FAM120B: variants seen among roughly 807,000 people sequenced by gnomAD.
FAM120B encodes constitutive coactivator of peroxisome proliferator-activated receptor gamma.
FAM120B carries 83 observed loss-of-function variants against 96.3 expected under a neutral mutation model. That is an observed-to-expected ratio of 0.86 (90% confidence interval 0.72 to 1.03). FAM120B has a LOEUF of 1.03. FAM120B is among the 50% of genes least tolerant of loss of function. The probability of loss-of-function intolerance (pLI) is 0.00; values close to 1 mark genes in which losing one functional copy is unlikely to be tolerated. For synonymous variants in FAM120B, 407 were observed against 402.7 expected, an observed-to-expected ratio of 1.01 and a Z score of -0.13; for missense variants, 1,027 against 1,121.2, an observed-to-expected ratio of 0.92 and a Z score of 1.20.
chr6:170,376,507 G>C (rs759992672), intron 6 of FAM120B, among the ~76,000 whole-genome samples: 1 of 152,028 alleles, frequency 6.6e-6, no homozygotes, highest in East Asian at 1.9e-4. Context: ...GCAGCGGGGC[G>C]TTAGAGGAAT....
chr6:170,400,720 T>C (rs1778527472), intron 9 of FAM120B, among the ~76,000 whole-genome samples: 1 of 152,270 alleles, frequency 6.6e-6, no homozygotes, highest in African/African-American at 2.4e-5. Context: ...TATGTCAAAC[T>C]ATTTTGTTAA....
intron 7 of FAM120B, among the ~76,000 whole-genome samples, chr6:170,389,704 C>T (rs927663851): frequency 1.8e-4 from 27 of 151,942 alleles, no homozygotes; most frequent in African/African-American, 6.5e-4. Flanking sequence ...GGACTGCAGG[C>T]GCGCATCACC....
intron 1 of FAM120B, among the ~76,000 whole-genome samples, chr6:170,314,432 C>T (rs1427208728): frequency 6.6e-6 from 1 of 152,160 alleles, no homozygotes; most frequent in Non-Finnish European, 1.5e-5. Context: ...GATGGTGAGC[C>T]CCACCTCAAA....
At chr6:170,386,410 G>A (rs750794386) in intron 6 of FAM120B, among the ~76,000 whole-genome samples, 3 of 152,146 alleles carry the variant, frequency 2.0e-5, no homozygotes, top group Non-Finnish European at 2.9e-5. Flanking sequence ...TGTATACATA[G>A]ATAATGCAGA....
chr6:170,295,216 T>G (rs1783968328), upstream of FAM120B: 1 of 537,632 alleles, frequency 1.9e-6, no homozygotes, highest in Non-Finnish European at 3.3e-6. This position sits in a 1 kb window ranked among gnomAD's most constrained non-coding sequence, Gnocchi z 7.8. Flanking sequence ...CTTAAAGCTG[T>G]CTTTGGACAC....
chr6:170,311,260 A>G (rs1784573379), intron 1 of FAM120B, among the ~76,000 whole-genome samples: 1 of 152,224 alleles, frequency 6.6e-6, no homozygotes, highest in South Asian at 2.1e-4. Flanking sequence ...AAGCGTAGAC[A>G]TTTTAGCATG....
intron 9 of FAM120B, among the ~76,000 whole-genome samples, chr6:170,402,616 G>A (rs565124791): frequency 5.4e-4 from 83 of 152,302 alleles, no homozygotes; most frequent in African/African-American, 1.8e-3. Context: ...GGGCTCTCCC[G>A]GGCTCTGCGG....
intron 2 of FAM120B, among the ~76,000 whole-genome samples, chr6:170,319,458 A>G (rs577599908): frequency 6.6e-6 from 1 of 152,344 alleles, no homozygotes; most frequent in Admixed American, 6.5e-5. Context: ...ACCTGAGGTC[A>G]GGAGTTCAAG....
intron 6 of FAM120B, 48 bp downstream of exon 6, chr6:170,358,366 A>G (rs1788111427): frequency 1.3e-5 from 16 of 1,279,754 alleles, no homozygotes; most frequent in Admixed American, 1.9e-5. Flanking sequence ...ACAGCTGTGC[A>G]GTCCAGCCTT....
At chr6:170,338,844 CTTT>C (rs61188907) in intron 4 of FAM120B, among the ~76,000 whole-genome samples, 4 of 85,414 alleles carry the variant, frequency 4.7e-5, no homozygotes, top group African/African-American at 4.6e-5. Context: ...TTGCAACCTG[CTTT>C]TTTTTTTTTT....
chr6:170,302,744 A>AT (rs754886259), upstream of FAM120B, among the ~76,000 whole-genome samples: 25 of 151,930 alleles, frequency 1.6e-4, no homozygotes, highest in East Asian at 3.9e-4. Context: ...CTATTTATAG[A>AT]TTTTTTCCCA....
intron 4 of FAM120B, among the ~76,000 whole-genome samples, chr6:170,332,493 T>G (rs1786120874): frequency 6.6e-6 from 1 of 151,978 alleles, no homozygotes; most frequent in Non-Finnish European, 1.5e-5. Context: ...AGATCAGGAG[T>G]TTGACACCCG....
At chr6:170,293,397 G>A (rs185806238), upstream of FAM120B, among the ~76,000 whole-genome samples, 110 of 152,232 alleles carry the variant, frequency 7.2e-4, no homozygotes, top group South Asian at 2.1e-3. Context: ...AAAGTTCCAC[G>A]CGCAAGGGCT....
upstream of FAM120B, among the ~76,000 whole-genome samples, chr6:170,291,274 CT>C (rs1783864230): frequency 6.6e-6 from 1 of 152,090 alleles, no homozygotes. Context: ...TCCGCACGCC[CT>C]CCCGGGCCAC....
chr6:170,305,596 A>G (rs2114985305), upstream of FAM120B, among the ~76,000 whole-genome samples: 1 of 152,384 alleles, frequency 6.6e-6, no homozygotes, highest in Admixed American at 6.5e-5. Context: ...CAGGGCTTAT[A>G]GCTGCCTTGC....
intron 4 of FAM120B, among the ~76,000 whole-genome samples, chr6:170,340,976 T>C (rs1786783798): frequency 6.6e-6 from 1 of 152,198 alleles, no homozygotes; most frequent in African/African-American, 2.4e-5. Context: ...AGGGACCCAT[T>C]GAGGAAGCAG....
At chr6:170,311,924 A>G (rs1479818932) in intron 1 of FAM120B, among the ~76,000 whole-genome samples, 1 of 152,224 alleles carries the variant, frequency 6.6e-6, no homozygotes, top group Non-Finnish European at 1.5e-5. Flanking sequence ...CATACTAAGG[A>G]AATGATCAGA....
intron 1 of FAM120B, among the ~76,000 whole-genome samples, chr6:170,310,695 A>C (rs1348268672): frequency 3.3e-5 from 5 of 152,236 alleles, no homozygotes; most frequent in Non-Finnish European, 7.3e-5. Context: ...AATCTGGGCC[A>C]GTGGGACTAG....
rs746704015 is a variant in FAM120B at position 170,317,612 on chromosome 6, T to C, written c.222T>C (p.Phe74=). Reference sequence around the variant, plus strand: ...AATACTTTTCTGCTTTGCGAGATTTTGTTAAAACTTTTACGGCAGCTGGGA... The same window carrying C: ...AATACTTTTCTGCTTTGCGAGATTTCGTTAAAACTTTTACGGCAGCTGGGA... ...WREYFSALRD[F]VKTFTAAGIK... is the part of the protein sequence containing the mutation. Residue 74 remains phenylalanine (F), a synonymous_variant, in exon 2 of 11, where the codon TTT becomes TTC. Transcript: ENST00000476287. 2 of 1,614,220 alleles carry C rather than the reference T, an allele frequency of 1.2e-6. No individual in the cohort carries two copies. The highest frequency in any genetic ancestry group is 1.7e-6 in the Non-Finnish European group (2 of 1,180,044).
Sources: allele counts gnomAD v4.1 joint callset (sites outside exome capture counted in the v4.1 genomes callset), GRCh38; gene constraint gnomAD v4.1.1; non-coding constraint Gnocchi (gnomAD v3.1); transcripts MANE v1.5; gene names NCBI Gene and HGNC (gene_info 2026-07-23, HGNC 2026-07-21).